The following CDC42BPB variants were observed in gnomAD, a reference collection of about 807,000 sequenced individuals.
CDC42BPB encodes CDC42 binding protein kinase beta, also known as serine/threonine-protein kinase MRCK beta.
CDC42BPB carries 37 observed loss-of-function variants against 214.9 expected under a neutral mutation model. The ratio of observed to expected loss-of-function variants is 0.17; its 90% CI spans 0.13 to 0.23. The LOEUF is 0.23. Ranked by LOEUF, CDC42BPB falls within the 10% of genes least tolerant of loss-of-function variation. The probability of loss-of-function intolerance (pLI) is 1.00; values close to 1 mark genes in which losing one functional copy is unlikely to be tolerated. For missense variants in CDC42BPB, 1,694 were observed against 2,227.0 expected (o/e 0.76, Z 4.82); for synonymous variants, 931 against 884.0 (o/e 1.05, Z -0.94).
At chr14:102,946,886 G>A (rs1211539945) in intron 27 of CDC42BPB, 22 of 985,202 alleles carry the variant, frequency 2.2e-5, no homozygotes, top group Non-Finnish European at 2.5e-5. Flanking sequence ...GTTCTAAACA[G>A]CCCCGTGAGA....
At chr14:103,009,921 C>T (rs1355310466) in intron 2 of CDC42BPB, among the ~76,000 whole-genome samples, 1 of 152,188 alleles carries the variant, frequency 6.6e-6, no homozygotes, top group Admixed American at 6.5e-5. Context: ...GCAGGACAAT[C>T]ACTTGTGCCC....
In CDC42BPB at chr14:102,959,221, C is replaced by T. The variant is rs543689633; in HGVS notation, c.2901+410G>A. Among the ~76,000 whole-genome samples, 9 of 151,146 alleles carry T rather than the reference C, an allele frequency of 6.0e-5. No individual in the cohort carries two copies. The South Asian group carries it at 6.3e-4, about 11-fold the overall frequency. ...CTGAGGCAGGAGAATCACTTGAACC[C>T]GGGAGGCAGAAGTTGCAGTGAGCCA... On this transcript the variant is annotated intron_variant, in intron 21 of 36. Transcript: ENST00000361246.
intron 30 of CDC42BPB, chr14:102,940,615 T>C: frequency 1.6e-6 from 1 of 622,708 alleles, no homozygotes; most frequent in Non-Finnish European, 2.5e-6. Flanking sequence ...GGTTTTTCAT[T>C]TAGCTCTCAT....
intron 36 of CDC42BPB, among the ~76,000 whole-genome samples, chr14:102,935,197 T>C (rs1284964359): frequency 6.6e-6 from 1 of 151,984 alleles, no homozygotes; most frequent in African/African-American, 2.4e-5. Flanking sequence ...ATGACATGAT[T>C]ATACACGTAG....
At chr14:103,005,625 G>A (rs1292438676) in intron 3 of CDC42BPB, among the ~76,000 whole-genome samples, 5 of 151,984 alleles carry the variant, frequency 3.3e-5, no homozygotes, top group Non-Finnish European at 5.9e-5. Flanking sequence ...TGGGAGGATC[G>A]ATGAGCCCAG....
At chr14:103,043,366 A>G (rs1348449440) in intron 1 of CDC42BPB, among the ~76,000 whole-genome samples, 1 of 152,236 alleles carries the variant, frequency 6.6e-6, no homozygotes, top group Non-Finnish European at 1.5e-5. Flanking sequence ...AAAAAGGGAT[A>G]ATGCACTATA....
At chr14:102,992,752 A>AAT (rs1270466910) in intron 5 of CDC42BPB, among the ~76,000 whole-genome samples, 1 of 149,712 alleles carries the variant, frequency 6.7e-6, no homozygotes, top group East Asian at 1.9e-4. Context: ...TATATTCAAA[A>AAT]ATATATATAT....
At chr14:103,024,633 A>C (rs991319612) in intron 1 of CDC42BPB, among the ~76,000 whole-genome samples, 1 of 152,244 alleles carries the variant, frequency 6.6e-6, no homozygotes, top group African/African-American at 2.4e-5. Flanking sequence ...AGACTTGAGA[A>C]GGCAGGATCT....
intron 19 of CDC42BPB, 84 bp from the exon 20 acceptor site, chr14:102,963,239 C>T (rs558146959): frequency 3.6e-4 from 546 of 1,505,656 alleles, no homozygotes; most frequent in Admixed American, 1.2e-3. Context: ...ATGAGAGAGC[C>T]GGGATTTCTC....
intron 1 of CDC42BPB, among the ~76,000 whole-genome samples, chr14:103,031,789 C>T (rs891552508): frequency 6.6e-6 from 1 of 152,028 alleles, no homozygotes; most frequent in African/African-American, 2.4e-5. Context: ...TTCCGGAAAC[C>T]AACTAAAAAG....
At chr14:102,939,554 G>T in intron 34 of CDC42BPB, 56 bp downstream of exon 34, 1 of 1,260,444 alleles carries the variant, frequency 7.9e-7, no homozygotes, top group South Asian at 1.2e-5. Flanking sequence ...ATGGCTGCCT[G>T]AGCGGGGAGG....
At position 103,057,066 on chromosome 14, in the gene CDC42BPB, G is replaced by A. The variant is rs1889026798; in HGVS notation, c.108C>T (p.Cys36=). 1.3e-6 allele frequency: 2 copies of A among 1,524,814 alleles called. No homozygotes were observed. Among genetic ancestry groups the A allele is most frequent in the African/African-American group, 1.4e-5 (1 of 70,310 alleles). The allele number at this position is 1,524,814 out of a possible 1,614,324, so 94.5% of individuals were successfully genotyped here. A position where few individuals can be genotyped will look rare whatever the true frequency, so the allele number is the denominator to read the frequency against. ...CCGAGTGGCTGCACTCGGTGTACAG[G>A]CAGACGAGCACGTCGAGCAGCGTTT... ...SVETLLDVLV[C]LYTECSHSAL... is the part of the protein sequence containing the mutation. Residue 36 remains cysteine, a synonymous_variant, in exon 1 of 37, where the codon TGC becomes TGT. Transcript: ENST00000361246.
rs201627729 is a variant in CDC42BPB, at chr14:102,938,157, C to T, written c.4951G>A (p.Val1651Met). 18 of 1,613,790 alleles carry T rather than the reference C, an allele frequency of 1.1e-5. No individual in the cohort carries two copies. Among genetic ancestry groups the T allele is most frequent in the East Asian group, 2.2e-5 (1 of 44,882 alleles). The stretch of plus-strand genomic sequence containing the variant: ...GACATACTTCTCAGAGGCACAGTCA[C>T]GCTAGGCTCCGATCCACCTACAGAA... ...WPSSGGSEPSVTVPLRSMSDP... is the reference protein window; with the variant it reads ...WPSSGGSEPSMTVPLRSMSDP... The change falls in exon 36 of 37, where the codon GTG (valine) becomes ATG (methionine). Residue 1651 changes from valine to methionine, a missense_variant. By Grantham distance (21) the Val-to-Met change is conservative. Transcript: ENST00000361246.
In CDC42BPB at chr14:102,959,655, A is replaced by G; in HGVS notation, c.2877T>C (p.Pro959=). 6.2e-7 allele frequency: 1 copy of G among 1,610,268 alleles called. No homozygotes were observed. The highest frequency in any genetic ancestry group is 8.5e-7 in the Non-Finnish European group (1 of 1,178,038). The change falls in exon 21 of 37, where the codon CCT becomes CCC. Residue 959 remains proline, a synonymous_variant. Coordinates refer to ENST00000361246, the MANE Select transcript of CDC42BPB (RefSeq NM_006035.4). ...DSIFEYFNTA[P]LAHDLTFRTS... is the part of the protein sequence containing the mutation. ...CTCTAAATGTCAGGTCATGTGCAAG[A>G]GGAGCAGTGTTGAAATACTCAAAAA...
At chr14:103,018,107 T>C (rs1886566798) in intron 1 of CDC42BPB, among the ~76,000 whole-genome samples, 1 of 152,130 alleles carries the variant, frequency 6.6e-6, no homozygotes, top group Non-Finnish European at 1.5e-5. Flanking sequence ...GCAACATAGA[T>C]CCCTCAAATA....
At chr14:103,027,975 C>A (rs1887144490) in intron 1 of CDC42BPB, among the ~76,000 whole-genome samples, 1 of 151,902 alleles carries the variant, frequency 6.6e-6, no homozygotes, top group African/African-American at 2.4e-5. Context: ...ACTAAAAATA[C>A]AAAAATTAGC....
chr14:102,965,029 G>A (rs1451766992), intron 18 of CDC42BPB, among the ~76,000 whole-genome samples: 3 of 151,946 alleles, frequency 2.0e-5, no homozygotes, highest in Admixed American at 6.6e-5. Flanking sequence ...GGGTTCAAGC[G>A]ATTTTCCTGT....
At chr14:102,994,312 C>A (rs190237905) in intron 5 of CDC42BPB, among the ~76,000 whole-genome samples, 1 of 152,256 alleles carries the variant, frequency 6.6e-6, no homozygotes, top group Admixed American at 6.5e-5. Flanking sequence ...GCCATTTGCA[C>A]GCACTGGGGG....
chr14:102,963,772 T>G (rs1379233820), intron 19 of CDC42BPB, among the ~76,000 whole-genome samples: 1 of 152,198 alleles, frequency 6.6e-6, no homozygotes, highest in East Asian at 1.9e-4. Flanking sequence ...AACAGAACAG[T>G]CTTACAGCAA....
Sources: allele counts gnomAD v4.1 joint callset (sites outside exome capture counted in the v4.1 genomes callset), GRCh38; gene constraint gnomAD v4.1.1; transcripts MANE v1.5; gene names NCBI Gene and HGNC (gene_info 2026-07-23, HGNC 2026-07-21).